Variants in MAP2 observed in about 807,000 individuals in gnomAD.
The protein encoded by MAP2 is microtubule associated protein 2.
MAP2 carries 14 observed loss-of-function variants against 137.6 expected under a neutral mutation model. That is an observed-to-expected ratio of 0.10 (90% CI 0.07 to 0.16). The LOEUF (loss-of-function observed/expected upper bound fraction) is 0.16, where lower values mean the gene tolerates loss of function less well. Among genes scored for constraint, MAP2 ranks in the 10% least tolerant of loss-of-function variants. The pLI, the probability that MAP2 is intolerant of heterozygous loss-of-function variation, is 1.00. For synonymous variants in MAP2, 786 were observed against 782.3 expected, an observed-to-expected ratio of 1.00 and a Z score of -0.08; for missense variants, 2,088 against 2,191.5, an observed-to-expected ratio of 0.95 and a Z score of 0.94.
chr2:209,506,742 A>C (rs903007809), intron 1 of MAP2, among the ~76,000 whole-genome samples: 2 of 152,170 alleles, frequency 1.3e-5, no homozygotes, highest in African/African-American at 4.8e-5. Context: ...ATCGTTTACC[A>C]CTGGAATTGT....
intron 1 of MAP2, among the ~76,000 whole-genome samples, chr2:209,494,736 CAAAT>C (rs1188198899): frequency 2.6e-5 from 4 of 152,036 alleles, no homozygotes; most frequent in African/African-American, 4.8e-5. Flanking sequence ...CTTTAAAAAA[CAAAT>C]AAATAAATAT....
intron 1 of MAP2, among the ~76,000 whole-genome samples, chr2:209,503,620 A>C (rs2060664024): frequency 6.6e-6 from 1 of 152,126 alleles, no homozygotes; most frequent in Non-Finnish European, 1.5e-5. Flanking sequence ...TCATTCTTTT[A>C]CATGTAGTAC....
chr2:209,676,761 A>C (rs1217428704), intron 5 of MAP2, among the ~76,000 whole-genome samples: 1 of 98,202 alleles, frequency 1.0e-5, no homozygotes, highest in African/African-American at 3.4e-5. Flanking sequence ...ATATATATAT[A>C]TATATATATA....
At chr2:209,436,066 A>C (rs1019268723) in intron 1 of MAP2, among the ~76,000 whole-genome samples, 4 of 125,258 alleles carry the variant, frequency 3.2e-5, no homozygotes, top group African/African-American at 1.1e-4. Flanking sequence ...AAAGCAAAAG[A>C]ACAAAGATTA....
At chr2:209,551,916 A>G (rs1283684084) in intron 2 of MAP2, among the ~76,000 whole-genome samples, 1 of 152,302 alleles carries the variant, frequency 6.6e-6, no homozygotes, top group African/African-American at 2.4e-5. Context: ...CAGCTAGCAA[A>G]TAACAGAACT....
At chr2:209,425,117 G>A (rs1222042311) in intron 1 of MAP2, among the ~76,000 whole-genome samples, 1 of 151,762 alleles carries the variant, frequency 6.6e-6, no homozygotes, top group Non-Finnish European at 1.5e-5. Context: ...TAGGGGGAGG[G>A]GTATGGATGG....
At chr2:209,651,723 T>C (rs954933054) in intron 4 of MAP2, among the ~76,000 whole-genome samples, 5 of 152,160 alleles carry the variant, frequency 3.3e-5, no homozygotes, top group African/African-American at 1.2e-4. Flanking sequence ...TAGAGCTGTT[T>C]TGAGAATCAG....
chr2:209,533,490 T>G (rs2065461914), intron 2 of MAP2, among the ~76,000 whole-genome samples: 1 of 152,238 alleles, frequency 6.6e-6, no homozygotes, highest in South Asian at 2.1e-4. Context: ...ACAAACATTT[T>G]AGAAAGTACA....
chr2:209,609,268 T>G (rs1427772476), intron 3 of MAP2, among the ~76,000 whole-genome samples: 1 of 152,164 alleles, frequency 6.6e-6, no homozygotes, highest in Non-Finnish European at 1.5e-5. Flanking sequence ...AATTAATTTT[T>G]GATTTTTCTA....
At chr2:209,502,791 A>T (rs2060542068) in intron 1 of MAP2, among the ~76,000 whole-genome samples, 1 of 152,040 alleles carries the variant, frequency 6.6e-6, no homozygotes, top group South Asian at 2.1e-4. Context: ...CAGGTGTGAG[A>T]TAGCTATCTC....
intron 2 of MAP2, among the ~76,000 whole-genome samples, chr2:209,567,041 C>T (rs1327511678): frequency 1.3e-5 from 2 of 152,122 alleles, no homozygotes; most frequent in Non-Finnish European, 2.9e-5. Context: ...TATGTATAAA[C>T]TGGACATTTG....
Position 209,514,531 on chromosome 2 carries a change from A to C in MAP2, c.-172+6890A>C, listed in dbSNP as rs567651896. 7.9e-5 allele frequency among the ~76,000 whole-genome samples: 12 copies of C among 152,266 alleles called. No homozygotes were observed. The South Asian group carries it at 1.7e-3, about 21-fold the overall frequency. On this transcript the variant is annotated intron_variant, in intron 2 of 15. Coordinates refer to ENST00000682079, the MANE Select transcript of MAP2 (RefSeq NM_001375505.1). ...TCTTTTCCTAAATTCATCTGTAAAA[A>C]AGAATCCCATTCCAAAGAATAACAC...
chr2:209,442,371 G>A (rs1454358200), intron 1 of MAP2, among the ~76,000 whole-genome samples: 9 of 151,582 alleles, frequency 5.9e-5, no homozygotes, highest in African/African-American at 2.2e-4. Flanking sequence ...CCAAGACATT[G>A]ATCAATGATT....
At chr2:209,660,494 C>T (rs542200960) in intron 5 of MAP2, among the ~76,000 whole-genome samples, 2 of 144,110 alleles carry the variant, frequency 1.4e-5, no homozygotes, top group South Asian at 4.5e-4. Flanking sequence ...CCCGGGTTCA[C>T]GCCATTCTCC....
intron 3 of MAP2, among the ~76,000 whole-genome samples, chr2:209,600,265 C>T (rs1482221533): frequency 6.6e-6 from 1 of 152,148 alleles, no homozygotes; most frequent in Non-Finnish European, 1.5e-5. Context: ...CCAAAGTCAC[C>T]AGAAAGGCCT....
intron 11 of MAP2, chr2:209,704,540 A>G (rs1461977864): frequency 1.2e-6 from 2 of 1,612,980 alleles, no homozygotes; most frequent in Middle Eastern, 1.6e-4. Context: ...TAAAAGGGCT[A>G]CATTTTCTGA....
intron 13 of MAP2, 86 bp downstream of exon 13, chr2:209,710,340 G>A: frequency 8.6e-7 from 1 of 1,162,542 alleles, no homozygotes; most frequent in Non-Finnish European, 1.2e-6. Context: ...TTCTTAAAAG[G>A]GAAGCAGAGG....
intron 1 of MAP2, among the ~76,000 whole-genome samples, chr2:209,491,704 A>T (rs1252428862): frequency 6.6e-6 from 1 of 152,208 alleles, no homozygotes; most frequent in Non-Finnish European, 1.5e-5. Context: ...GAAGAAATGG[A>T]TACATTTCTG....
intron 4 of MAP2, among the ~76,000 whole-genome samples, chr2:209,644,386 C>T (rs1014189677): frequency 2.6e-5 from 4 of 151,798 alleles, no homozygotes; most frequent in Admixed American, 6.6e-5. Flanking sequence ...TCATATGCAC[C>T]GGAGCATATG....
Sources: gnomAD v4.1 joint callset for allele counts (sites outside exome capture counted in the v4.1 genomes callset) on GRCh38, gnomAD v4.1.1 for gene constraint, MANE v1.5 for transcripts, NCBI Gene and HGNC (gene_info 2026-07-23, HGNC 2026-07-21) for gene names.